ABHD6: variants seen among roughly 807,000 people sequenced by gnomAD.
The protein encoded by ABHD6 is abhydrolase domain containing 6, acylglycerol lipase.
Under a neutral mutation model 38.8 loss-of-function variants are expected in ABHD6, and 33 were observed. The observed-to-expected ratio is 0.85, with a 90% CI of 0.64 to 1.14. The LOEUF (loss-of-function observed/expected upper bound fraction) is 1.14. ABHD6 is among the 50% of genes most tolerant of loss of function. ABHD6 has a pLI of 0.00. For synonymous variants in ABHD6, 147 were observed against 161.6 expected, an observed-to-expected ratio of 0.91 and a Z score of 0.69; for missense variants, 380 against 422.6, an observed-to-expected ratio of 0.90 and a Z score of 0.88.
intron 1 of ABHD6, among the ~76,000 whole-genome samples, chr3:58,247,719 C>A (rs1400576032): frequency 4.6e-5 from 7 of 152,106 alleles, no homozygotes; most frequent in Non-Finnish European, 1.0e-4. Context: ...GGACTACAGG[C>A]GCACACCACC....
chr3:58,275,844 C>A (rs1036420862), intron 7 of ABHD6, among the ~76,000 whole-genome samples: 5 of 152,090 alleles, frequency 3.3e-5, no homozygotes, highest in South Asian at 2.1e-4. Context: ...TCAGTTCCCA[C>A]CTATGAGTGA....
rs1391615434 is a variant in ABHD6 at position 58,267,103 on chromosome 3, CTT to C, written c.120-85_120-84del. The C allele has an allele frequency of 2.1e-6, 3 of 1,419,838 alleles. No individual in the cohort carries two copies. The highest frequency in any genetic ancestry group is 2.9e-6 in the Non-Finnish European group (3 of 1,028,460). 88.0% of individuals were successfully genotyped at this position (1,419,838 alleles called of 1,614,324 possible). A position where few individuals can be genotyped will look rare whatever the true frequency, so the allele number is the denominator to read the frequency against. On this transcript the variant is annotated intron_variant, in intron 3 of 9. Transcript: ENST00000478253. The surrounding 1 kb of genome is among the most constrained non-coding windows in gnomAD (Gnocchi z 4.3). The stretch of plus-strand genomic sequence containing the variant: ...GTGTTTGTGTTATCACTAAGGAAGA[CTT>C]ATAGAGAGGACCTGTGCCCATCTTG...
chr3:58,282,617 A>T (rs13320332), intron 7 of ABHD6, among the ~76,000 whole-genome samples: 69,634 of 151,876 alleles, frequency 0.46, 18,014 homozygotes, highest in African/African-American at 0.72. Flanking sequence ...GTGCCTGTAG[A>T]TCCAGCTACT....
chr3:58,285,099 T>C lies in ABHD6; in HGVS notation c.696T>C (p.Leu232=), dbSNP rs775189925. The change falls in exon 8 of 10, where the codon CTT becomes CTC. Residue 232 remains leucine, a synonymous_variant. Coordinates refer to ENST00000478253, the MANE Select transcript of ABHD6 (RefSeq NM_001320126.2). The surrounding 1 kb of genome is among the most constrained non-coding windows in gnomAD (Gnocchi z 4.9). Reference sequence around the variant, plus strand: ...TTTATCCTTAGATCCTGCAAGGCCTTGTCGATGTCCGCATCCCTCATAACA... The same window carrying C: ...TTTATCCTTAGATCCTGCAAGGCCTCGTCGATGTCCGCATCCCTCATAACA... The part of the protein sequence containing the change: ...FKVPQQILQG[L]VDVRIPHNNF... 2 of 1,614,206 alleles carry C rather than the reference T, an allele frequency of 1.2e-6. No individual in the cohort carries two copies. The highest frequency in any genetic ancestry group is 1.1e-5 in the South Asian group (1 of 91,088).
intron 7 of ABHD6, among the ~76,000 whole-genome samples, chr3:58,284,308 A>G (rs2097455421): frequency 6.6e-6 from 1 of 152,174 alleles, no homozygotes; most frequent in Non-Finnish European, 1.5e-5. Context: ...GGGACTGTGG[A>G]ACCCTCCCCA....
chr3:58,287,077 G>A lies in ABHD6; in HGVS notation c.837+1624G>A, dbSNP rs147421127. Reference sequence around the variant, plus strand: ...GGATTGCTTGAGCCCAGGAGTTTGAGACCAACCTGGGCAGCATAGTGAGAT... The same window carrying A: ...GGATTGCTTGAGCCCAGGAGTTTGAAACCAACCTGGGCAGCATAGTGAGAT... On this transcript the variant is annotated intron_variant, in intron 9 of 9. Transcript: ENST00000478253. The surrounding 1 kb of genome is among the most constrained non-coding windows in gnomAD (Gnocchi z 4.7). Among the ~76,000 whole-genome samples, 2,031 of 151,116 alleles carry A rather than the reference G, an allele frequency of 0.013. 55 individuals are homozygous for A. Among genetic ancestry groups the A allele is most frequent in the African/African-American group, 0.047 (1,920 of 41,158 alleles).
chr3:58,275,252 A>G (rs969208759), intron 7 of ABHD6, among the ~76,000 whole-genome samples: 1 of 151,430 alleles, frequency 6.6e-6, no homozygotes, highest in Admixed American at 6.6e-5. Context: ...AATGGTGAAG[A>G]TGGAGTTAGA....
chr3:58,264,000 T>TTC lies in ABHD6; in HGVS notation c.120-3189_120-3188insTC. ...TTTTTTTTAACAGAATTGGAATCAA[T>TTC]AGTATTTAAAAAAATTGGGTCCTGT... is the stretch of plus-strand genomic sequence containing the variant. On this transcript the variant is annotated intron_variant, in intron 3 of 9. Transcript: ENST00000478253. This position sits in a 1 kb window ranked among gnomAD's most constrained non-coding sequence, Gnocchi z 4.9. Among the ~76,000 whole-genome samples, 1 of 152,102 alleles carries TTC rather than the reference T, an allele frequency of 6.6e-6. No individual in the cohort carries two copies. The highest frequency in any genetic ancestry group is 1.5e-5 in the Non-Finnish European group (1 of 68,010).
In ABHD6 at chr3:58,259,068, C is replaced by T. The variant is rs557185569; in HGVS notation, c.119+2363C>T. Among the ~76,000 whole-genome samples the T allele has an allele frequency of 2.6e-5, 4 of 152,280 alleles. No homozygotes were observed. In the South Asian group the frequency reaches 8.3e-4, roughly 32 times the overall value. The stretch of plus-strand genomic sequence containing the variant: ...TCAAGGCATCATGGACTGCCACACA[C>T]AAAACGCCGTTTTTATTAACGACAT... On this transcript the variant is annotated intron_variant, in intron 3 of 9. Coordinates refer to ENST00000478253, the MANE Select transcript of ABHD6 (RefSeq NM_001320126.2). This position sits in a 1 kb window ranked among gnomAD's most constrained non-coding sequence, Gnocchi z 4.7.
rs1259444812 is a variant in ABHD6 at position 58,287,995 on chromosome 3, G to A, written c.837+2542G>A. ...GCTCATGTCCTTTGCCTCTGTTGGT[G>A]GCTTCAATGCATGGTCCAAATTTTT... On this transcript the variant is annotated intron_variant, in intron 9 of 9. Coordinates refer to ENST00000478253, the MANE Select transcript of ABHD6 (RefSeq NM_001320126.2). This position sits in a 1 kb window ranked among gnomAD's most constrained non-coding sequence, Gnocchi z 4.7. 2.6e-5 allele frequency among the ~76,000 whole-genome samples: 4 copies of A among 152,206 alleles called. No individual in the cohort carries two copies. Among genetic ancestry groups the A allele is most frequent in the African/African-American group, 4.8e-5 (2 of 41,442 alleles).
intron 3 of ABHD6, among the ~76,000 whole-genome samples, chr3:58,262,928 G>T (rs2097438016): frequency 6.6e-6 from 1 of 152,172 alleles, no homozygotes; most frequent in Non-Finnish European, 1.5e-5. Context: ...AAAAATTAGA[G>T]GCTAGGCGTT....
At chr3:58,281,011 C>G (rs1310722001) in intron 7 of ABHD6, among the ~76,000 whole-genome samples, 1 of 152,154 alleles carries the variant, frequency 6.6e-6, no homozygotes, top group Non-Finnish European at 1.5e-5. Flanking sequence ...TGTCAATCAG[C>G]CCCTACTGGG....
At chr3:58,243,900 A>G (rs2097424532) in intron 1 of ABHD6, among the ~76,000 whole-genome samples, 1 of 151,988 alleles carries the variant, frequency 6.6e-6, no homozygotes, top group Non-Finnish European at 1.5e-5. Flanking sequence ...CAAGTGATCC[A>G]CCTGCCTTGG....
intron 1 of ABHD6, among the ~76,000 whole-genome samples, chr3:58,244,245 G>A (rs187865887): frequency 6.6e-6 from 1 of 152,338 alleles, no homozygotes; most frequent in East Asian, 1.9e-4. Flanking sequence ...GCAATAATAG[G>A]ATCTGGCAAT....
rs575172974 is a variant in ABHD6, at chr3:58,266,157, A to G, written c.120-1032A>G. On this transcript the variant is annotated intron_variant, in intron 3 of 9. Transcript: ENST00000478253. The surrounding 1 kb of genome is among the most constrained non-coding windows in gnomAD (Gnocchi z 4.0). ...AGTCATTAAAAAAGTTTCAAAAGAA[A>G]CCAACCAGGTGCGGTTTAACCAGCT... is the stretch of plus-strand genomic sequence containing the variant. Among the ~76,000 whole-genome samples, 44 of 152,216 alleles carry G rather than the reference A, an allele frequency of 2.9e-4. No individual in the cohort carries two copies. Among genetic ancestry groups the G allele is most frequent in the Non-Finnish European group, 3.4e-4 (23 of 68,044 alleles).
In ABHD6 at chr3:58,256,054, TTC is replaced by T. The variant is rs1271119667; in HGVS notation, c.-25-500_-25-499del. ...TAGCATTTTACCATATTTGCTTTAT[TTC>T]TCTCTCTTTTCCTCCCACCAACACA... On this transcript the variant is annotated intron_variant, in intron 2 of 9. Transcript: ENST00000478253. The surrounding 1 kb of genome is among the most constrained non-coding windows in gnomAD (Gnocchi z 4.3). Among the ~76,000 whole-genome samples the T allele has an allele frequency of 1.3e-5, 2 of 149,030 alleles. No individual in the cohort carries two copies. The highest frequency in any genetic ancestry group is 2.0e-4 in the East Asian group (1 of 5,074).
At position 58,237,875 on chromosome 3, in the gene ABHD6, T is replaced by TCC. The variant is rs1182159796; in HGVS notation, c.-131_-130dup. The TCC allele has an allele frequency of 2.0e-5, 3 of 150,648 alleles. No homozygotes were observed. Among genetic ancestry groups the TCC allele is most frequent in the African/African-American group, 7.3e-5 (3 of 41,002 alleles). 9.3% of individuals were successfully genotyped at this position (150,648 alleles called of 1,614,324 possible). On this transcript the variant is annotated 5_prime_UTR_variant, in exon 1 of 10. Transcript: ENST00000478253. ...CGGGGCTAGAGACCGAGGGCCGGGG[T>TCC]CCGGGCCCGGCGGCGGGACCCAGGC...
chr3:58,256,591 A>G lies in ABHD6; in HGVS notation c.5A>G (p.Asp2Gly). 1 of 1,613,608 alleles carries G rather than the reference A, an allele frequency of 6.2e-7. No individual in the cohort carries two copies. The highest frequency in any genetic ancestry group is 8.5e-7 in the Non-Finnish European group (1 of 1,179,672). Residue 2 changes from aspartate (D) to glycine (G), a missense_variant, in exon 3 of 10, where the codon GAT (aspartate) becomes GGT (glycine). By Grantham distance (94) the Asp-to-Gly change is moderately conservative. Transcript: ENST00000478253. This position sits in a 1 kb window ranked among gnomAD's most constrained non-coding sequence, Gnocchi z 4.3. ...CAGCCAGCCTGAAAGAGCAGGATGGATCTTGATGTGGTTAACATGTTTGTG... is the reference window on the plus strand; with the variant it reads ...CAGCCAGCCTGAAAGAGCAGGATGGGTCTTGATGTGGTTAACATGTTTGTG... M[D>G]LDVVNMFVIA...
intron 1 of ABHD6, among the ~76,000 whole-genome samples, chr3:58,247,329 CT>C (rs1206813599): frequency 6.6e-6 from 1 of 151,666 alleles, no homozygotes; most frequent in African/African-American, 2.4e-5. Flanking sequence ...GAGTCCGGGA[CT>C]GGCCAGTAGA....
Sources: gnomAD v4.1 joint callset for allele counts (sites outside exome capture counted in the v4.1 genomes callset) on GRCh38, gnomAD v4.1.1 for gene constraint, Gnocchi (gnomAD v3.1) non-coding constraint, MANE v1.5 for transcripts, NCBI Gene and HGNC (gene_info 2026-07-23, HGNC 2026-07-21) for gene names.